The following TEKT5 variants were observed in gnomAD, a reference collection of about 807,000 sequenced individuals.
TEKT5 encodes the protein tektin 5.
Under a neutral mutation model 48.7 loss-of-function variants are expected in TEKT5, and 52 were observed. That is an observed-to-expected ratio of 1.07 (90% confidence interval 0.86 to 1.35). The LOEUF (loss-of-function observed/expected upper bound fraction) is 1.35. Ranked by LOEUF, TEKT5 falls within the 40% of genes most tolerant of loss-of-function variation. The pLI is 0.00. For synonymous variants in TEKT5, 318 were observed against 267.6 expected (o/e 1.19, Z -1.84); for missense variants, 831 against 641.6 (o/e 1.30, Z -3.19).
intron 5 of TEKT5, among the ~76,000 whole-genome samples, chr16:10,660,653 G>A (rs1898350833): frequency 7.1e-6 from 1 of 141,310 alleles, no homozygotes; most frequent in South Asian, 2.5e-4. Flanking sequence ...ACCAGCAGGA[G>A]TGCAAGGCTG....
intron 3 of TEKT5, among the ~76,000 whole-genome samples, chr16:10,686,893 C>G (rs1596420211): frequency 6.6e-6 from 1 of 152,252 alleles, no homozygotes; most frequent in Non-Finnish European, 1.5e-5. Context: ...CAACAGAATA[C>G]TACTCAGCCT....
At chr16:10,664,456 T>C (rs1445025241) in intron 5 of TEKT5, among the ~76,000 whole-genome samples, 2 of 152,232 alleles carry the variant, frequency 1.3e-5, no homozygotes, top group African/African-American at 4.8e-5. Flanking sequence ...ATGCTGATGC[T>C]GATGGTCCAA....
chr16:10,654,601 A>T (rs1270331110), intron 5 of TEKT5, among the ~76,000 whole-genome samples: 2 of 152,158 alleles, frequency 1.3e-5, no homozygotes, highest in Non-Finnish European at 2.9e-5. Flanking sequence ...TCTCTGCTTT[A>T]GCTGGGACAT....
chr16:10,667,249 G>A (rs183249825), intron 5 of TEKT5, among the ~76,000 whole-genome samples: 353 of 152,238 alleles, frequency 2.3e-3, no homozygotes, highest in Middle Eastern at 6.8e-3. Flanking sequence ...CTCCAAAAGT[G>A]CTGGGATTAC....
At chr16:10,665,445 T>C (rs1344950393) in intron 5 of TEKT5, among the ~76,000 whole-genome samples, 3 of 152,170 alleles carry the variant, frequency 2.0e-5, no homozygotes, top group African/African-American at 7.2e-5. Flanking sequence ...GTTCACAAAA[T>C]GAGCTAGAAA....
intron 5 of TEKT5, among the ~76,000 whole-genome samples, chr16:10,674,023 T>A (rs914089083): frequency 6.6e-6 from 1 of 152,102 alleles, no homozygotes; most frequent in Non-Finnish European, 1.5e-5. Context: ...AAGGACAAGC[T>A]TGGATCCAAA....
chr16:10,672,874 A>G (rs1467381997), intron 5 of TEKT5, among the ~76,000 whole-genome samples: 5 of 146,646 alleles, frequency 3.4e-5, no homozygotes, highest in South Asian at 2.1e-4. Flanking sequence ...TTTTTTTGAG[A>G]CAAGATCTTG....
chr16:10,644,280 G>T (rs763193456), intron 5 of TEKT5, among the ~76,000 whole-genome samples: 1 of 152,156 alleles, frequency 6.6e-6, no homozygotes, highest in Non-Finnish European at 1.5e-5. Flanking sequence ...TTGCACATAT[G>T]AAGTCAACTG....
chr16:10,632,398 A>G (rs1244183203), intron 6 of TEKT5, among the ~76,000 whole-genome samples: 3 of 152,092 alleles, frequency 2.0e-5, no homozygotes. Flanking sequence ...TCTGTGCTTA[A>G]GCAATCTTCC....
intron 6 of TEKT5, among the ~76,000 whole-genome samples, chr16:10,630,897 A>T (rs1241591201): frequency 6.6e-6 from 1 of 151,356 alleles, no homozygotes; most frequent in Non-Finnish European, 1.5e-5. Context: ...CATGGTGCAC[A>T]CCTGTAATCA....
At chr16:10,631,102 A>AC (rs1207459965) in intron 6 of TEKT5, among the ~76,000 whole-genome samples, 50 of 151,428 alleles carry the variant, frequency 3.3e-4, no homozygotes, top group Middle Eastern at 3.4e-3. Context: ...ACACACACAC[A>AC]AAAATTAGCG....
chr16:10,689,151 C>T (rs1307751974), intron 3 of TEKT5, 102 bp downstream of exon 3: 9 of 863,944 alleles, frequency 1.0e-5, no homozygotes, highest in East Asian at 2.7e-5. Flanking sequence ...ACCAAAAGAA[C>T]CACCCAGAGA....
At chr16:10,628,212 G>T (rs1897784248) in intron 6 of TEKT5, among the ~76,000 whole-genome samples, 1 of 152,328 alleles carries the variant, frequency 6.6e-6, no homozygotes, top group East Asian at 1.9e-4. Context: ...CTGGCACTGA[G>T]AGACAGCAGC....
intron 5 of TEKT5, among the ~76,000 whole-genome samples, chr16:10,673,416 C>G (rs1337887959): frequency 6.6e-6 from 1 of 152,196 alleles, no homozygotes; most frequent in Non-Finnish European, 1.5e-5. Context: ...CAGTTATCAT[C>G]TAGCCTTTGA....
intron 3 of TEKT5, among the ~76,000 whole-genome samples, chr16:10,682,667 G>T (rs554589794): frequency 6.6e-6 from 1 of 152,188 alleles, no homozygotes; most frequent in Admixed American, 6.5e-5. Flanking sequence ...AGCACTTACC[G>T]TAAAGGGTTA....
chr16:10,642,998 G>T (rs1162604736), intron 5 of TEKT5, among the ~76,000 whole-genome samples: 1 of 152,198 alleles, frequency 6.6e-6, no homozygotes, highest in East Asian at 1.9e-4. Flanking sequence ...ACAAAGAAAT[G>T]ATGTTTGAGA....
chr16:10,642,433 T>A (rs1898008627), intron 5 of TEKT5, among the ~76,000 whole-genome samples: 1 of 152,134 alleles, frequency 6.6e-6, no homozygotes, highest in Non-Finnish European at 1.5e-5. Flanking sequence ...TAGCCATTCC[T>A]AAGCCTCTTA....
rs575016437 is a variant in TEKT5, at chr16:10,690,591, T to C, written c.565-566A>G. 2.6e-5 allele frequency: 26 copies of C among 985,326 alleles called. No individual in the cohort carries two copies. The African/African-American group carries it at 4.2e-4, about 16-fold the overall frequency. 61.0% of individuals were successfully genotyped at this position (985,326 alleles called of 1,614,324 possible). ...AATCACTGAGAACACTGCCCCTAAA[T>C]ATTACCTGTGAATATGCATGAAAAC... On this transcript the variant is annotated intron_variant, in intron 1 of 6. Coordinates refer to ENST00000283025, the MANE Select transcript of TEKT5 (RefSeq NM_144674.2).
intron 3 of TEKT5, among the ~76,000 whole-genome samples, chr16:10,684,020 T>C (rs557430215): frequency 3.3e-5 from 5 of 152,320 alleles, no homozygotes; most frequent in African/African-American, 1.2e-4. Context: ...TAATACTACG[T>C]AGGCACTCGC....
Sources: allele counts gnomAD v4.1 joint callset (sites outside exome capture counted in the v4.1 genomes callset), GRCh38; gene constraint gnomAD v4.1.1; transcripts MANE v1.5; gene names NCBI Gene and HGNC (gene_info 2026-07-23, HGNC 2026-07-21).